Variants in GBE1 observed in about 807,000 individuals in gnomAD.
The protein encoded by GBE1 is 1,4-alpha-glucan-branching enzyme.
GBE1 carries 70 observed loss-of-function variants against 88.8 expected under a neutral mutation model. That is an observed-to-expected ratio of 0.79 (90% CI 0.65 to 0.96). GBE1 has a LOEUF of 0.96. Ranked by LOEUF, GBE1 falls within the 40% of genes least tolerant of loss-of-function variation. GBE1 has a pLI of 0.00. For synonymous variants in GBE1, 284 were observed against 300.1 expected, an observed-to-expected ratio of 0.95 and a Z score of 0.56; for missense variants, 872 against 871.0, an observed-to-expected ratio of 1.00 and a Z score of -0.01.
rs941579993 is a variant in GBE1 at position 81,578,849 on chromosome 3, C to G, written c.1447-753G>C. Among the ~76,000 whole-genome samples, 30 of 151,984 alleles carry G rather than the reference C, an allele frequency of 2.0e-4. 1 individual carries two copies. The highest frequency in any genetic ancestry group is 8.3e-4 in the South Asian group (4 of 4,812). On this transcript the variant is annotated intron_variant, in intron 11 of 15. Transcript: ENST00000429644. ...GTAAAATGTAAAATAGAAATTAATC[C>G]ATAATCTCAGTACCCTATTACAATT... is the stretch of plus-strand genomic sequence containing the variant.
At chr3:81,499,696 A>C (rs539654272) in intron 14 of GBE1, among the ~76,000 whole-genome samples, 6 of 152,196 alleles carry the variant, frequency 3.9e-5, no homozygotes, top group African/African-American at 1.2e-4. Flanking sequence ...TCAGTCCTCC[A>C]TATCTGTGGA....
rs1393725332 is a variant in GBE1, at chr3:81,702,098, AGAGAGTGTGTGTGT to A, written c.313+3332_313+3345del. The stretch of plus-strand genomic sequence containing the variant: ...AGAATCCCTGGAGAGAGAGAGAGAG[AGAGAGTGTGTGTGT>A]GTGTGTGTGTGTGTGTGTGTGTGTG... On this transcript the variant is annotated intron_variant, in intron 2 of 15. Transcript: ENST00000429644. 3.9e-4 allele frequency among the ~76,000 whole-genome samples: 16 copies of A among 40,784 alleles called. 1 individual carries two copies. The South Asian group carries it at 4.0e-3, about 10-fold the overall frequency. 26.8% of individuals were successfully genotyped at this position (40,784 alleles called of 152,430 possible).
chr3:81,648,762 T>C (rs1475832129), intron 5 of GBE1, 94 bp downstream of exon 5: 2 of 706,432 alleles, frequency 2.8e-6, no homozygotes, highest in East Asian at 3.0e-5. Context: ...TTTAATCTCC[T>C]AACACAAAAA....
At chr3:81,639,814 T>C (rs1473766898) in intron 7 of GBE1, among the ~76,000 whole-genome samples, 1 of 152,132 alleles carries the variant, frequency 6.6e-6, no homozygotes, top group Non-Finnish European at 1.5e-5. Context: ...AGCTCCTAGC[T>C]GACAGCCAGC....
At chr3:81,752,912 T>G (rs1706550461) in intron 1 of GBE1, among the ~76,000 whole-genome samples, 1 of 152,186 alleles carries the variant, frequency 6.6e-6, no homozygotes, top group Non-Finnish European at 1.5e-5. Flanking sequence ...TAGTAAATAT[T>G]TAACTTGATA....
chr3:81,504,190 G>A (rs1284294077), intron 14 of GBE1, among the ~76,000 whole-genome samples: 2 of 152,112 alleles, frequency 1.3e-5, no homozygotes, highest in Admixed American at 1.3e-4. Flanking sequence ...GAGATCTTAA[G>A]GGGACAAATA....
intron 2 of GBE1, among the ~76,000 whole-genome samples, chr3:81,688,733 A>G (rs1262746059): frequency 6.6e-6 from 1 of 151,958 alleles, no homozygotes; most frequent in Non-Finnish European, 1.5e-5. Context: ...TTTAAAAGCA[A>G]AATTACAGTA....
At chr3:81,554,784 G>T (rs1703323842) in intron 12 of GBE1, among the ~76,000 whole-genome samples, 1 of 152,180 alleles carries the variant, frequency 6.6e-6, no homozygotes, top group Non-Finnish European at 1.5e-5. Context: ...TCCAAGGCTT[G>T]TTCAAGGCAC....
chr3:81,705,581 A>G lies in GBE1; in HGVS notation c.176T>C (p.Ile59Thr), dbSNP rs28763904. The G allele has an allele frequency of 8.3e-3, 12,995 of 1,571,730 alleles. 66 individuals carry two copies. The highest frequency in any genetic ancestry group is 0.014 in the Admixed American group (744 of 53,744). The change falls in exon 2 of 16, where the codon ATT becomes ACT. Residue 59 changes from isoleucine to threonine, a missense_variant. Ile to Thr is a moderately conservative substitution (Grantham distance 89, BLOSUM62 -1). Coordinates refer to ENST00000429644, the MANE Select transcript of GBE1 (RefSeq NM_000158.4). ...ATCAATACCACCTTCATTTTCTCCA[A>G]TGTTCTTCAAAATTTGGCTAAACTG... ...YKQFSQILKN[I>T]GENEGGIDKF...
intron 7 of GBE1, among the ~76,000 whole-genome samples, chr3:81,610,380 T>C (rs933554804): frequency 6.6e-6 from 1 of 152,224 alleles, no homozygotes; most frequent in Non-Finnish European, 1.5e-5. Context: ...TACTAAGTAG[T>C]TGAAGATAAA....
chr3:81,607,766 A>T (rs1704123696), intron 7 of GBE1, among the ~76,000 whole-genome samples: 1 of 152,130 alleles, frequency 6.6e-6, no homozygotes, highest in Non-Finnish European at 1.5e-5. Flanking sequence ...AATGTCATCC[A>T]TTATGCAATT....
intron 14 of GBE1, among the ~76,000 whole-genome samples, chr3:81,529,756 C>T (rs1398038267): frequency 6.6e-6 from 1 of 151,796 alleles, no homozygotes; most frequent in Non-Finnish European, 1.5e-5. Context: ...TATCCTTGGC[C>T]TTTGGGAAAT....
chr3:81,720,180 AAAGATCAT>A (rs1706002392), intron 1 of GBE1, among the ~76,000 whole-genome samples: 1 of 152,240 alleles, frequency 6.6e-6, no homozygotes, highest in African/African-American at 2.4e-5. Flanking sequence ...ACAAAACTAC[AAAGATCAT>A]AAGAGCTTTC....
At chr3:81,612,330 C>A in intron 7 of GBE1, 2 of 843,740 alleles carry the variant, frequency 2.4e-6, no homozygotes, top group East Asian at 3.7e-5. Context: ...AAATCCATTC[C>A]AGATTTCCAT....
At chr3:81,694,502 C>A (rs1010481788) in intron 2 of GBE1, among the ~76,000 whole-genome samples, 2 of 152,130 alleles carry the variant, frequency 1.3e-5, no homozygotes, top group Admixed American at 1.3e-4. Context: ...AATTCTCCAG[C>A]TCCCCGCCTC....
intron 12 of GBE1, among the ~76,000 whole-genome samples, chr3:81,557,870 A>G (rs1703368323): frequency 6.6e-6 from 1 of 152,044 alleles, no homozygotes; most frequent in African/African-American, 2.4e-5. Context: ...TAACATAACA[A>G]AGAAGAAAGA....
At chr3:81,609,512 C>G (rs1002659898) in intron 7 of GBE1, among the ~76,000 whole-genome samples, 1 of 152,038 alleles carries the variant, frequency 6.6e-6, no homozygotes, top group Non-Finnish European at 1.5e-5. Context: ...TATTTCTGTA[C>G]TTCTAAAATC....
At chr3:81,617,327 G>T (rs1704261793) in intron 7 of GBE1, among the ~76,000 whole-genome samples, 1 of 151,884 alleles carries the variant, frequency 6.6e-6, no homozygotes. Flanking sequence ...TAGAAAGAAA[G>T]AATTTAGACG....
intron 10 of GBE1, among the ~76,000 whole-genome samples, chr3:81,585,168 G>A (rs1235434279): frequency 6.6e-6 from 1 of 152,072 alleles, no homozygotes; most frequent in Non-Finnish European, 1.5e-5. Flanking sequence ...TATAAATGTA[G>A]AAGCAGAAGT....
Sources: gnomAD v4.1 joint callset for allele counts (sites outside exome capture counted in the v4.1 genomes callset) on GRCh38, gnomAD v4.1.1 for gene constraint, MANE v1.5 for transcripts, NCBI Gene and HGNC (gene_info 2026-07-23, HGNC 2026-07-21) for gene names.